The following TJP1 variants were observed in gnomAD, a reference collection of about 807,000 sequenced individuals.
TJP1 encodes tight junction protein ZO-1.
In TJP1, 43 loss-of-function variants were observed where a neutral mutation model predicts 194.2. That is an observed-to-expected ratio of 0.22 (90% CI 0.17 to 0.29). The LOEUF (loss-of-function observed/expected upper bound fraction) is 0.29. Among genes scored for constraint, TJP1 ranks in the 10% least tolerant of loss-of-function variants. TJP1 has a pLI of 1.00. For missense variants in TJP1, 1,971 were observed against 2,185.7 expected (o/e 0.90, Z 1.96); for synonymous variants, 801 against 779.0 (o/e 1.03, Z -0.47).
intron 18 of TJP1, 130 bp downstream of exon 18, chr15:29,726,249 C>G: frequency 1.3e-6 from 1 of 772,362 alleles, no homozygotes; most frequent in South Asian, 1.7e-5. Context: ...TTATAAAAAC[C>G]TAAAAGCTAA....
intron 18 of TJP1, among the ~76,000 whole-genome samples, chr15:29,721,842 C>G (rs1216132202): frequency 1.3e-5 from 2 of 152,228 alleles, no homozygotes; most frequent in Non-Finnish European, 2.9e-5. Context: ...GTCATTCATT[C>G]TTGCTATGCT....
chr15:29,731,463 C>A (rs990152686), intron 15 of TJP1, among the ~76,000 whole-genome samples: 10 of 152,146 alleles, frequency 6.6e-5, no homozygotes, highest in African/African-American at 2.4e-4. Context: ...TGAGATGGCA[C>A]CTGTCAAAAG....
At chr15:29,738,128 T>C (rs7183108) in intron 10 of TJP1, among the ~76,000 whole-genome samples, 150,709 of 152,300 alleles carry the variant, frequency 0.99, 74,591 homozygotes, top group Middle Eastern at 1. Context: ...CCTTGTGACA[T>C]TCCTTAAAAC....
chr15:29,824,563 T>TA (rs556878798), upstream of TJP1, among the ~76,000 whole-genome samples: 455 of 144,620 alleles, frequency 3.1e-3, no homozygotes, highest in Non-Finnish European at 4.3e-3. Flanking sequence ...GAGACCCCAT[T>TA]AAAAAAAAAA....
At chr15:29,957,359 G>T (rs1212053027) in intron 1 of TJP1, among the ~76,000 whole-genome samples, 1 of 152,104 alleles carries the variant, frequency 6.6e-6, no homozygotes, top group Non-Finnish European at 1.5e-5. Flanking sequence ...TATAAAAATG[G>T]AAAGTAAAAG....
At chr15:29,821,883 C>T (rs1446757535) in intron 1 of TJP1, 119 bp downstream of exon 1, 54 of 985,084 alleles carry the variant, frequency 5.5e-5, no homozygotes, top group Non-Finnish European at 6.2e-5. Flanking sequence ...CCCTGCCCAC[C>T]CCGCCGCCCC....
intron 10 of TJP1, among the ~76,000 whole-genome samples, chr15:29,739,646 G>A (rs1192870429): frequency 5.3e-5 from 8 of 152,042 alleles, no homozygotes; most frequent in East Asian, 2.0e-4. Flanking sequence ...GGGTTTCGCC[G>A]TGTTCAGCCA....
At chr15:29,775,580 C>A (rs1328748273) in intron 2 of TJP1, among the ~76,000 whole-genome samples, 1 of 151,668 alleles carries the variant, frequency 6.6e-6, no homozygotes, top group Non-Finnish European at 1.5e-5. Context: ...AGAATTCAGG[C>A]ATCCACTGGG....
chr15:29,708,131 G>A (rs534272847), intron 25 of TJP1, among the ~76,000 whole-genome samples: 4 of 151,768 alleles, frequency 2.6e-5, no homozygotes, highest in South Asian at 2.1e-4. Context: ...AGGGGGTGGA[G>A]GTTGCAGTGA....
chr15:29,823,591 G>A (rs1224294847), upstream of TJP1: 1 of 152,190 alleles, frequency 6.6e-6, no homozygotes, highest in East Asian at 1.9e-4. Flanking sequence ...TAACAAAGAA[G>A]TATGTGTAGG....
chr15:29,968,794 G>A (rs1342763654), exon 1 of TJP1: 3 of 1,194,978 alleles, frequency 2.5e-6, no homozygotes, highest in South Asian at 1.4e-5. Context: ...GCAGGGCCCC[G>A]CCGCCTCCGC....
chr15:29,699,704 A>G (rs533952535), downstream of TJP1: 5 of 152,440 alleles, frequency 3.3e-5, no homozygotes, highest in Admixed American at 2.6e-4. Flanking sequence ...CAGTTAAGTA[A>G]GTAGGATGTC....
At chr15:29,782,332 C>T (rs1236563693) in intron 2 of TJP1, among the ~76,000 whole-genome samples, 1 of 152,158 alleles carries the variant, frequency 6.6e-6, no homozygotes, top group African/African-American at 2.4e-5. Flanking sequence ...CAGCATGGTA[C>T]TGTAACAAAG....
chr15:29,803,036 T>C (rs990698631), intron 1 of TJP1, among the ~76,000 whole-genome samples: 34 of 152,174 alleles, frequency 2.2e-4, no homozygotes, highest in Non-Finnish European at 8.8e-5. Flanking sequence ...AGCGTGTACA[T>C]GGTTATCCTA....
At chr15:29,862,599 C>T (rs1003718960) in intron 2 of TJP1, among the ~76,000 whole-genome samples, 10 of 151,814 alleles carry the variant, frequency 6.6e-5, no homozygotes, top group Admixed American at 4.6e-4. Flanking sequence ...GAGCCAAACA[C>T]CAGGCTGCAT....
chr15:29,872,476 T>C (rs770716162), intron 2 of TJP1, among the ~76,000 whole-genome samples: 25 of 152,204 alleles, frequency 1.6e-4, no homozygotes, highest in Non-Finnish European at 3.4e-4. Context: ...ATAGACCATG[T>C]TCCACGGAGG....
chr15:29,733,067 C>T, intron 13 of TJP1, 27 bp downstream of exon 13: 1 of 1,601,926 alleles, frequency 6.2e-7, no homozygotes, highest in South Asian at 1.1e-5. Context: ...TTGATTCACT[C>T]TATGAGAAGT....
intron 2 of TJP1, among the ~76,000 whole-genome samples, chr15:29,951,258 C>T (rs1250500055): frequency 6.6e-6 from 1 of 151,968 alleles, no homozygotes; most frequent in Non-Finnish European, 1.5e-5. Flanking sequence ...ACCTCTGCCT[C>T]CTGGGTTCGA....
intron 15 of TJP1, chr15:29,730,846 C>T: frequency 1.8e-6 from 2 of 1,099,182 alleles, no homozygotes; most frequent in Admixed American, 1.7e-5. Context: ...AAAAAGGCCC[C>T]TGCAAAGAAG....
Sources: gnomAD v4.1 joint callset for allele counts (sites outside exome capture counted in the v4.1 genomes callset) on GRCh38, gnomAD v4.1.1 for gene constraint, MANE v1.5 for transcripts, NCBI Gene and HGNC (gene_info 2026-07-23, HGNC 2026-07-21) for gene names.